Variants in OSBPL10 observed in about 807,000 individuals in gnomAD.
The protein encoded by OSBPL10 is oxysterol-binding protein-related protein 10.
A neutral mutation model predicts 81.7 loss-of-function variants in OSBPL10; 49 were observed. The observed-to-expected ratio is 0.60, with a 90% CI of 0.48 to 0.76. The LOEUF (loss-of-function observed/expected upper bound fraction) is 0.76. OSBPL10 is among the 30% of genes least tolerant of loss of function. The pLI, the probability that OSBPL10 is intolerant of heterozygous loss-of-function variation, is 0.00. For synonymous variants in OSBPL10, 419 were observed against 383.6 expected, an observed-to-expected ratio of 1.09 and a Z score of -1.08; for missense variants, 923 against 987.8, an observed-to-expected ratio of 0.93 and a Z score of 0.88.
chr3:31,969,525 C>T (rs1168188480), intron 1 of OSBPL10: 2 of 152,538 alleles, frequency 1.3e-5, no homozygotes, highest in Admixed American at 6.5e-5. Context: ...CTTCGCTGGG[C>T]ACGGTGGCTC....
Position 31,879,480 on chromosome 3 carries a change from G to A in OSBPL10, c.457+175C>T, listed in dbSNP as rs1575596460. On this transcript the variant is annotated intron_variant, in intron 2 of 11. Transcript: ENST00000396556. ...TTAATTAGGACAAGTAATTCCTAAT[G>A]TCAGCTCCATCTCCCCACCCCAGGG... 2.6e-5 allele frequency: 16 copies of A among 618,238 alleles called. No homozygotes were observed. The East Asian group carries it at 4.4e-4, about 17-fold the overall frequency. 38.3% of individuals were successfully genotyped at this position (618,238 alleles called of 1,614,324 possible).
At chr3:31,663,337 C>T (rs1700111764) in intron 11 of OSBPL10, 9 of 985,604 alleles carry the variant, frequency 9.1e-6, no homozygotes, top group Non-Finnish European at 1.1e-5. Context: ...GCATCTGCCC[C>T]AGCCCTCACC....
At chr3:32,003,485 A>G (rs2017864) in intron 2 of OSBPL10, among the ~76,000 whole-genome samples, 63,558 of 152,022 alleles carry the variant, frequency 0.42, 16,827 homozygotes, top group African/African-American at 0.74. Context: ...GAACCAGGCT[A>G]GCCTTTAACC....
intron 3 of OSBPL10, among the ~76,000 whole-genome samples, chr3:31,831,197 A>G (rs1422854459): frequency 6.6e-6 from 1 of 152,168 alleles, no homozygotes; most frequent in African/African-American, 2.4e-5. Flanking sequence ...ACCTGAGGTC[A>G]GGAGTTCAAG....
intron 2 of OSBPL10, among the ~76,000 whole-genome samples, chr3:32,044,000 T>TG (rs1182180097): frequency 6.6e-5 from 10 of 152,294 alleles, no homozygotes; most frequent in African/African-American, 2.4e-4. Context: ...CACTACCTAT[T>TG]GGGTACTGTG....
At position 32,026,011 on chromosome 3, in the gene OSBPL10, C is replaced by CATAGATAGATAGATAG. The variant is rs10662309; in HGVS notation, n.298+20464_298+20479dup. ...TATATGGAGCCTTTATATATACAGACATAGATAGATAGATAGATAGATAGA... is the reference window on the plus strand; with the variant it reads ...TATATGGAGCCTTTATATATACAGACATAGATAGATAGATAGATAGATAGATAGATAGATAGATAGA... On this transcript the variant is annotated intron_variant and non_coding_transcript_variant, in intron 2 of 3. Transcript: ENST00000479173. 5.3e-4 allele frequency among the ~76,000 whole-genome samples: 68 copies of CATAGATAGATAGATAG among 128,358 alleles called. 1 individual carries two copies. The highest frequency in any genetic ancestry group is 1.9e-3 in the South Asian group (7 of 3,608). 84.2% of individuals were successfully genotyped at this position (128,358 alleles called of 152,430 possible). A position where few individuals can be genotyped will look rare whatever the true frequency, so the allele number is the denominator to read the frequency against.
At chr3:31,684,821 T>G (rs1329348575) in intron 7 of OSBPL10, among the ~76,000 whole-genome samples, 1 of 152,108 alleles carries the variant, frequency 6.6e-6, no homozygotes, top group African/African-American at 2.4e-5. Flanking sequence ...GAGAAACCAG[T>G]GGAAGTTACA....
chr3:31,697,429 A>G (rs889685058), intron 7 of OSBPL10, among the ~76,000 whole-genome samples: 1 of 152,230 alleles, frequency 6.6e-6, no homozygotes, highest in East Asian at 1.9e-4. Context: ...CAATTGAAAC[A>G]AATGGCAACT....
chr3:31,813,433 A>G (rs1360382423), intron 4 of OSBPL10, among the ~76,000 whole-genome samples: 1 of 152,136 alleles, frequency 6.6e-6, no homozygotes, highest in Non-Finnish European at 1.5e-5. Flanking sequence ...ATGCAGAGGC[A>G]GTTTTGGTTT....
intron 1 of OSBPL10, among the ~76,000 whole-genome samples, chr3:31,889,331 G>A (rs779234551): frequency 6.6e-6 from 1 of 152,132 alleles, no homozygotes; most frequent in Non-Finnish European, 1.5e-5. Flanking sequence ...TCAGTGTATT[G>A]AAGAGACATC....
At position 32,016,560 on chromosome 3, in the gene OSBPL10, C is replaced by T. The variant is rs529601597; in HGVS notation, n.298+29931G>A. Among the ~76,000 whole-genome samples the T allele has an allele frequency of 2.6e-5, 4 of 152,182 alleles. No individual in the cohort carries two copies. The East Asian group carries it at 7.7e-4, about 29-fold the overall frequency. ...TGTATACATATGTAACAAACCTGTACGTTGTGCACATGTACCCTAAAACTT... is the reference window on the plus strand; with the variant it reads ...TGTATACATATGTAACAAACCTGTATGTTGTGCACATGTACCCTAAAACTT... On this transcript the variant is annotated intron_variant and non_coding_transcript_variant, in intron 2 of 3. Coordinates refer to the OSBPL10 transcript ENST00000479173.
intron 3 of OSBPL10, among the ~76,000 whole-genome samples, chr3:31,840,029 T>C (rs1224129587): frequency 6.6e-6 from 1 of 151,424 alleles, no homozygotes; most frequent in Admixed American, 6.6e-5. Context: ...ATATTACTAC[T>C]GCCCTGAAGA....
At chr3:31,939,708 C>T (rs1009046529) in intron 1 of OSBPL10, among the ~76,000 whole-genome samples, 4 of 152,160 alleles carry the variant, frequency 2.6e-5, no homozygotes, top group African/African-American at 9.6e-5. Context: ...TCCCTGAGCC[C>T]TCAATTCATG....
chr3:31,842,046 G>A (rs1700510886), intron 3 of OSBPL10, among the ~76,000 whole-genome samples: 1 of 152,166 alleles, frequency 6.6e-6, no homozygotes, highest in Non-Finnish European at 1.5e-5. Flanking sequence ...GAAATTACAG[G>A]TAATACATAA....
At chr3:31,685,209 T>C (rs1700760956) in intron 7 of OSBPL10, among the ~76,000 whole-genome samples, 1 of 152,136 alleles carries the variant, frequency 6.6e-6, no homozygotes. Flanking sequence ...TCGGGTATTT[T>C]TTGTTTGTTT....
chr3:32,062,197 T>C (rs1005929202), intron 1 of OSBPL10, among the ~76,000 whole-genome samples: 2 of 93,082 alleles, frequency 2.1e-5, no homozygotes, highest in African/African-American at 5.5e-5. Flanking sequence ...AACCTCCACC[T>C]CCCAGGTTCA....
At chr3:32,005,372 T>C (rs1699194132) in intron 2 of OSBPL10, among the ~76,000 whole-genome samples, 1 of 152,170 alleles carries the variant, frequency 6.6e-6, no homozygotes, top group Non-Finnish European at 1.5e-5. Context: ...AATGCTCAGA[T>C]GCCTCCAATT....
At chr3:32,030,323 A>T in intron 2 of OSBPL10, 3 of 473,440 alleles carry the variant, frequency 6.3e-6, no homozygotes, top group East Asian at 4.6e-5. Context: ...GTGGAAATCA[A>T]GGGAATGGGC....
chr3:31,965,687 A>C (rs1184884906), intron 1 of OSBPL10, among the ~76,000 whole-genome samples: 1 of 48,612 alleles, frequency 2.1e-5, no homozygotes, highest in African/African-American at 1.5e-4. Context: ...TATATATTAT[A>C]TAAAATATAT....
Sources: gnomAD v4.1 joint callset for allele counts (sites outside exome capture counted in the v4.1 genomes callset) on GRCh38, gnomAD v4.1.1 for gene constraint, MANE v1.5 for transcripts, NCBI Gene and HGNC (gene_info 2026-07-23, HGNC 2026-07-21) for gene names.